SDK1: variants seen among roughly 807,000 people sequenced by gnomAD.
SDK1 encodes the protein sidekick cell adhesion molecule 1, also known as protein sidekick-1.
SDK1 carries 157 observed loss-of-function variants against 245.5 expected under a neutral mutation model. That is an observed-to-expected ratio of 0.64 (90% CI 0.56 to 0.73). The LOEUF (loss-of-function observed/expected upper bound fraction) is 0.73. Among genes scored for constraint, SDK1 ranks in the 30% least tolerant of loss-of-function variants. The pLI is 0.00. For missense variants in SDK1, 3,583 were observed against 3,002.3 expected, an observed-to-expected ratio of 1.19 and a Z score of -4.52; for synonymous variants, 1,647 against 1,278.5, an observed-to-expected ratio of 1.29 and a Z score of -6.15.
intron 4 of SDK1, among the ~76,000 whole-genome samples, chr7:3,817,422 G>A (rs907184838): frequency 1.3e-5 from 2 of 152,200 alleles, no homozygotes; most frequent in African/African-American, 4.8e-5. Context: ...AATAGTTGCT[G>A]ATTAAATAGT....
At chr7:4,259,455 T>C (rs1254051305) in intron 44 of SDK1, among the ~76,000 whole-genome samples, 1 of 152,122 alleles carries the variant, frequency 6.6e-6, no homozygotes, top group Non-Finnish European at 1.5e-5. Context: ...TAAATAAATC[T>C]TAAACAGCCA....
intron 5 of SDK1, among the ~76,000 whole-genome samples, chr7:3,848,540 T>G (rs1780337877): frequency 6.6e-6 from 1 of 152,146 alleles, no homozygotes; most frequent in African/African-American, 2.4e-5. Context: ...GGATATCTAC[T>G]AATAGAAGTT....
chr7:3,829,934 A>T (rs536362652), intron 5 of SDK1, among the ~76,000 whole-genome samples: 1 of 152,268 alleles, frequency 6.6e-6, no homozygotes, highest in South Asian at 2.1e-4. Flanking sequence ...GCAGTGGGAG[A>T]TGCACTGGAG....
chr7:4,154,672 C>T lies in SDK1; in HGVS notation c.4626-3776C>T, dbSNP rs371967028. Among the ~76,000 whole-genome samples the T allele has an allele frequency of 5.9e-5, 9 of 152,156 alleles. No homozygotes were observed. The East Asian group carries it at 1.3e-3, about 23-fold the overall frequency. The stretch of plus-strand genomic sequence containing the variant: ...TGATGGGATGTCATTTTCACGACAG[C>T]CCTGGAAGCCCCGGTGCTGCTATCT... On this transcript the variant is annotated intron_variant, in intron 30 of 44. Transcript: ENST00000404826.
chr7:4,248,112 A>T (rs147260085), intron 44 of SDK1, among the ~76,000 whole-genome samples: 1 of 152,296 alleles, frequency 6.6e-6, no homozygotes, highest in Non-Finnish European at 1.5e-5. Flanking sequence ...ATTATTGAGC[A>T]CACCCGTGAA....
rs370496775 is a variant in SDK1, at chr7:3,406,070, C to T, written c.298+104186C>T. Reference sequence around the variant, plus strand: ...TCAAGTGATCCACCTGCCTTGGCCTCCCAAAGTGCTGGGATTACAGGCGTG... The same window carrying T: ...TCAAGTGATCCACCTGCCTTGGCCTTCCAAAGTGCTGGGATTACAGGCGTG... On this transcript the variant is annotated intron_variant, in intron 1 of 44. Coordinates refer to ENST00000404826, the MANE Select transcript of SDK1 (RefSeq NM_152744.4). Among the ~76,000 whole-genome samples the T allele has an allele frequency of 6.1e-4, 93 of 152,260 alleles. 2 individuals carry two copies. In the South Asian group the frequency reaches 0.019, roughly 31 times the overall value.
chr7:3,489,184 G>T (rs1291175627), intron 1 of SDK1, among the ~76,000 whole-genome samples: 1 of 152,110 alleles, frequency 6.6e-6, no homozygotes, highest in Non-Finnish European at 1.5e-5. Context: ...AGGGGTGGGT[G>T]CAGGCAGGTA....
At chr7:3,802,405 C>G (rs895968231) in intron 4 of SDK1, among the ~76,000 whole-genome samples, 1 of 151,996 alleles carries the variant, frequency 6.6e-6, no homozygotes. Context: ...CATGGTGGCA[C>G]GCACCTGTAG....
chr7:3,795,872 CAG>C (rs1201229468), intron 4 of SDK1, among the ~76,000 whole-genome samples: 1 of 152,124 alleles, frequency 6.6e-6, no homozygotes, highest in African/African-American at 2.4e-5. Context: ...AGAATAATAT[CAG>C]AGAGGGCAAT....
intron 4 of SDK1, among the ~76,000 whole-genome samples, chr7:3,686,472 A>G (rs1784283840): frequency 6.6e-6 from 1 of 152,228 alleles, no homozygotes; most frequent in Non-Finnish European, 1.5e-5. Flanking sequence ...GTAAGAAAGT[A>G]TACTCATGGG....
chr7:4,237,652 G>A lies in SDK1; in HGVS notation c.5998G>A (p.Val2000Met). The change falls in exon 42 of 45, where the codon GTG becomes ATG. Residue 2000 changes from valine (V) to methionine (M), a missense_variant. Val to Met is a conservative substitution (Grantham distance 21, BLOSUM62 1). Transcript: ENST00000404826. ...TGTCCGTGTCTTTTCCACAGCTCAAGTGGAAGCCCCATTCTACGAGGAGTG... is the reference window on the plus strand; with the variant it reads ...TGTCCGTGTCTTTTCCACAGCTCAAATGGAAGCCCCATTCTACGAGGAGTG... ...SNPSTAVSAQ[V>M]EAPFYEEWWF... 6.2e-7 allele frequency: 1 copy of A among 1,614,174 alleles called. No individual in the cohort carries two copies. Among genetic ancestry groups the A allele is most frequent in the Non-Finnish European group, 8.5e-7 (1 of 1,180,032 alleles).
intron 5 of SDK1, among the ~76,000 whole-genome samples, chr7:3,906,617 C>CTTTTTTTTT (rs71032914): frequency 7.0e-5 from 4 of 57,250 alleles, no homozygotes; most frequent in Non-Finnish European, 6.3e-5. Context: ...ATTTCAGTGT[C>CTTTTTTTTT]TTTTTTTTTT....
chr7:4,208,329 CGT>C, intron 37 of SDK1, 44 bp downstream of exon 37: 4 of 1,575,288 alleles, frequency 2.5e-6, no homozygotes, highest in Non-Finnish European at 3.5e-6. Flanking sequence ...TCCTTGGACA[CGT>C]GTTTTGAGAG....
At chr7:3,710,088 CAT>C (rs1210839302) in intron 4 of SDK1, among the ~76,000 whole-genome samples, 1 of 152,244 alleles carries the variant, frequency 6.6e-6, no homozygotes, top group African/African-American at 2.4e-5. Flanking sequence ...TTAAACCTCA[CAT>C]GTTGTTCACA....
chr7:3,576,468 G>T (rs941397683), intron 1 of SDK1, among the ~76,000 whole-genome samples: 2 of 152,062 alleles, frequency 1.3e-5, no homozygotes, highest in Non-Finnish European at 2.9e-5. Flanking sequence ...GTCCCCGTTT[G>T]CAGTGGTCCA....
intron 1 of SDK1, among the ~76,000 whole-genome samples, chr7:3,429,064 T>C (rs1278469931): frequency 6.6e-6 from 1 of 152,018 alleles, no homozygotes; most frequent in Non-Finnish European, 1.5e-5. Context: ...GTAGTCAGAG[T>C]CCACAGTAAG....
chr7:3,960,246 G>A (rs1289910153), intron 8 of SDK1, among the ~76,000 whole-genome samples: 1 of 152,208 alleles, frequency 6.6e-6, no homozygotes, highest in African/African-American at 2.4e-5. Flanking sequence ...CTCTGGTGAA[G>A]TCATTGCCCA....
intron 12 of SDK1, 143 bp from the exon 13 acceptor site, chr7:3,974,226 T>C: frequency 2.1e-6 from 1 of 479,578 alleles, no homozygotes; most frequent in Non-Finnish European, 3.6e-6. Context: ...AAAAGAAAAA[T>C]CACTCTTTTA....
At chr7:3,781,832 G>A (rs982449889) in intron 4 of SDK1, among the ~76,000 whole-genome samples, 2 of 152,106 alleles carry the variant, frequency 1.3e-5, no homozygotes, top group Non-Finnish European at 2.9e-5. Context: ...AAGAATTAGT[G>A]ATCTGGAAGA....
Sources: gnomAD v4.1 joint callset for allele counts (sites outside exome capture counted in the v4.1 genomes callset) on GRCh38, gnomAD v4.1.1 for gene constraint, MANE v1.5 for transcripts, NCBI Gene and HGNC (gene_info 2026-07-23, HGNC 2026-07-21) for gene names.